Variants in JPH3 observed in about 807,000 individuals in gnomAD.
JPH3 encodes the protein junctophilin 3, also known as junctophilin-3.
A neutral mutation model predicts 59.6 loss-of-function variants in JPH3; 11 were observed. The ratio of observed to expected loss-of-function variants is 0.18; its 90% CI spans 0.12 to 0.31. The LOEUF is 0.31. Ranked by LOEUF, JPH3 falls within the 10% of genes least tolerant of loss-of-function variation. The pLI is 1.00. For synonymous variants in JPH3, 673 were observed against 483.6 expected (o/e 1.39, Z -5.14); for missense variants, 1,202 against 1,105.7 (o/e 1.09, Z -1.24).
intron 2 of JPH3, among the ~76,000 whole-genome samples, chr16:87,667,635 C>A (rs557880333): frequency 3.3e-5 from 5 of 152,298 alleles, no homozygotes; most frequent in Non-Finnish European, 7.3e-5. Flanking sequence ...AGCGGGGGGT[C>A]TTGGGCAACG....
At chr16:87,673,811 A>C (rs1181827390) in intron 2 of JPH3, among the ~76,000 whole-genome samples, 1 of 151,962 alleles carries the variant, frequency 6.6e-6, no homozygotes, top group African/African-American at 2.4e-5. Flanking sequence ...CTGTAATCCC[A>C]GCTACTTGGG....
In JPH3 at chr16:87,637,911, C is replaced by CT. The variant is rs199935274; in HGVS notation, c.383-6344dup. On this transcript the variant is annotated intron_variant, in intron 1 of 4. Coordinates refer to ENST00000284262, the MANE Select transcript of JPH3 (RefSeq NM_020655.4). Reference sequence around the variant, plus strand: ...CAGAGCAGTGCTGTTTTGTGTTTTTCTTTAAAAAAAAAATTTTTTTTTGAG... The same window carrying CT: ...CAGAGCAGTGCTGTTTTGTGTTTTTCTTTTAAAAAAAAAATTTTTTTTTGAG... Among the ~76,000 whole-genome samples the CT allele has an allele frequency of 1.2e-3, 186 of 152,068 alleles. No homozygotes were observed. In the East Asian group the frequency reaches 0.019, roughly 16 times the overall value.
Position 87,673,106 on chromosome 16 carries a change from G to A in JPH3, c.1161-11036G>A, listed in dbSNP as rs146776737. ...GGTTGCAGTGGGCCGAGATCGCACC[G>A]TTGCACTCCAGACTGGGCGACACAG... On this transcript the variant is annotated intron_variant, in intron 2 of 4. Transcript: ENST00000284262. 7.0e-4 allele frequency among the ~76,000 whole-genome samples: 106 copies of A among 151,516 alleles called. 1 individual carries two copies. Among genetic ancestry groups the A allele is most frequent in the African/African-American group, 2.4e-3 (100 of 41,242 alleles).
chr16:87,683,567 G>T (rs925700660), intron 2 of JPH3, among the ~76,000 whole-genome samples: 1 of 151,800 alleles, frequency 6.6e-6, no homozygotes, highest in Non-Finnish European at 1.5e-5. Context: ...GCCTCCCAAA[G>T]TGCTGGGATT....
chr16:87,644,723 C>T lies in JPH3; in HGVS notation c.848C>T (p.Thr283Ile). 1.2e-6 allele frequency: 2 copies of T among 1,612,256 alleles called. No homozygotes were observed. The highest frequency in any genetic ancestry group is 1.7e-6 in the Non-Finnish European group (2 of 1,179,784). Residue 283 changes from threonine (T) to isoleucine (I), a missense_variant, in exon 2 of 5, where the codon ACC becomes ATC. Coordinates refer to ENST00000284262, the MANE Select transcript of JPH3 (RefSeq NM_020655.4). The part of the protein sequence containing the change: ...LAVIEDDIDA[T>I]TTETYVGEWK... ...GTCATCGAGGACGACATCGACGCCA[C>T]CACCACCGAGACCTACGTGGGCGAG... is the stretch of plus-strand genomic sequence containing the variant.
chr16:87,676,047 G>A (rs371603218), intron 2 of JPH3, among the ~76,000 whole-genome samples: 34 of 152,386 alleles, frequency 2.2e-4, no homozygotes, highest in African/African-American at 7.9e-4. Context: ...CGCAGGCGAC[G>A]AAAGTGCTGT....
At chr16:87,606,822 G>T (rs1299876546) in intron 1 of JPH3, among the ~76,000 whole-genome samples, 2 of 152,178 alleles carry the variant, frequency 1.3e-5, no homozygotes, top group Non-Finnish European at 2.9e-5. Context: ...TCATGTAAAT[G>T]ATGTTAAATA....
intron 1 of JPH3, among the ~76,000 whole-genome samples, chr16:87,626,521 C>T (rs989079654): frequency 6.6e-6 from 1 of 152,250 alleles, no homozygotes; most frequent in Non-Finnish European, 1.5e-5. Flanking sequence ...GCCCCTGTGC[C>T]CAGGTTTTCC....
intron 2 of JPH3, among the ~76,000 whole-genome samples, chr16:87,663,362 C>A (rs2032764210): frequency 6.6e-6 from 1 of 152,188 alleles, no homozygotes; most frequent in Non-Finnish European, 1.5e-5. Flanking sequence ...CCTGCCTTGG[C>A]CTCCCAAACT....
At position 87,612,107 on chromosome 16, in the gene JPH3, G is replaced by A. The variant is rs1162240164; in HGVS notation, c.382+8579G>A. Reference sequence around the variant, plus strand: ...GATTGAGGTCCTCTGGGTACAGCCTGGGCATTGGGATTCTTTTTATTTTAA... The same window carrying A: ...GATTGAGGTCCTCTGGGTACAGCCTAGGCATTGGGATTCTTTTTATTTTAA... On this transcript the variant is annotated intron_variant, in intron 1 of 4. Coordinates refer to ENST00000284262, the MANE Select transcript of JPH3 (RefSeq NM_020655.4). Among the ~76,000 whole-genome samples the A allele has an allele frequency of 2.0e-5, 3 of 152,330 alleles. 1 individual carries two copies. Among genetic ancestry groups the A allele is most frequent in the Middle Eastern group, 6.8e-3 (2 of 294 alleles).
chr16:87,683,623 T>C (rs1457063972), intron 2 of JPH3, among the ~76,000 whole-genome samples: 1 of 147,944 alleles, frequency 6.8e-6, no homozygotes, highest in East Asian at 2.1e-4. Flanking sequence ...TTTTTTTTCC[T>C]TGAGACAGAG....
intron 2 of JPH3, among the ~76,000 whole-genome samples, chr16:87,653,191 C>G (rs1455939655): frequency 1.3e-5 from 2 of 152,208 alleles, no homozygotes; most frequent in African/African-American, 4.8e-5. Context: ...GTCCTCTGAA[C>G]AGTGTGGCTC....
intron 4 of JPH3, among the ~76,000 whole-genome samples, chr16:87,692,480 G>A (rs1164017882): frequency 1.3e-5 from 2 of 152,202 alleles, no homozygotes; most frequent in African/African-American, 4.8e-5. Flanking sequence ...CAGGGTCTGG[G>A]GTGCTGTCTT....
intron 2 of JPH3, among the ~76,000 whole-genome samples, chr16:87,676,550 G>A (rs1162204259): frequency 1.3e-5 from 2 of 151,726 alleles, no homozygotes; most frequent in Admixed American, 6.6e-5. Flanking sequence ...CTTGGCCAAC[G>A]TGGTGAAACC....
At chr16:87,672,518 T>C (rs1257369711) in intron 2 of JPH3, among the ~76,000 whole-genome samples, 1 of 152,214 alleles carries the variant, frequency 6.6e-6, no homozygotes, top group Non-Finnish European at 1.5e-5. Flanking sequence ...GTGGACAGAC[T>C]GTGGCCCCAC....
chr16:87,691,316 A>G (rs565235675), intron 4 of JPH3, among the ~76,000 whole-genome samples: 1 of 152,176 alleles, frequency 6.6e-6, no homozygotes, highest in Non-Finnish European at 1.5e-5. Context: ...TTGGGAATGA[A>G]GGGCTGTGGG....
rs1468044037 is a variant in JPH3 at position 87,696,927 on chromosome 16, T to C, written c.*267T>C. On this transcript the variant is annotated 3_prime_UTR_variant, in exon 5 of 5. Coordinates refer to ENST00000284262, the MANE Select transcript of JPH3 (RefSeq NM_020655.4). ...GAGGCCAGCACGCAGCCCCTCCAGC[T>C]CCACGTGGAGACAGAAGGGATCCCG... 4.4e-6 allele frequency: 2 copies of C among 452,260 alleles called. No homozygotes were observed. Among genetic ancestry groups the C allele is most frequent in the Non-Finnish European group, 4.1e-6 (1 of 244,710 alleles). The allele number at this position is 452,260 out of a possible 1,614,324, so 28.0% of individuals were successfully genotyped here. A position where few individuals can be genotyped will look rare whatever the true frequency, so the allele number is the denominator to read the frequency against.
At chr16:87,661,337 G>C (rs1440960473) in intron 2 of JPH3, among the ~76,000 whole-genome samples, 2 of 152,208 alleles carry the variant, frequency 1.3e-5, no homozygotes, top group African/African-American at 4.8e-5. Flanking sequence ...GCCACATAAG[G>C]GGACACATTC....
rs540370725 is a variant in JPH3, at chr16:87,642,252, G to C, written c.383-2006G>C. Among the ~76,000 whole-genome samples, 50 of 151,928 alleles carry C rather than the reference G, an allele frequency of 3.3e-4. No individual in the cohort carries two copies. The South Asian group carries it at 0.01, about 32-fold the overall frequency. The stretch of plus-strand genomic sequence containing the variant: ...AGGGGGCCTGGCTAGGGAAAGGGGG[G>C]GGGCAGTGGGGAGTGGAGGGCTGCT... On this transcript the variant is annotated intron_variant, in intron 1 of 4. Coordinates refer to ENST00000284262, the MANE Select transcript of JPH3 (RefSeq NM_020655.4).
Sources: gnomAD v4.1 joint callset for allele counts (sites outside exome capture counted in the v4.1 genomes callset) on GRCh38, gnomAD v4.1.1 for gene constraint, MANE v1.5 for transcripts, NCBI Gene and HGNC (gene_info 2026-07-23, HGNC 2026-07-21) for gene names.